Variants in PBX3 observed in about 807,000 individuals in gnomAD.
The protein encoded by PBX3 is PBX homeobox 3.
A neutral mutation model predicts 48.5 loss-of-function variants in PBX3; 14 were observed. The observed-to-expected ratio is 0.29, with a 90% CI of 0.19 to 0.45. The LOEUF (loss-of-function observed/expected upper bound fraction) is 0.45. Ranked by LOEUF, PBX3 falls within the 20% of genes least tolerant of loss-of-function variation. PBX3 has a pLI of 1.00. For synonymous variants in PBX3, 210 were observed against 200.3 expected (o/e 1.05, Z -0.41); for missense variants, 386 against 546.7 (o/e 0.71, Z 2.93).
intron 2 of PBX3, among the ~76,000 whole-genome samples, chr9:125,798,334 C>T (rs1239750003): frequency 6.6e-6 from 1 of 152,062 alleles, no homozygotes; most frequent in East Asian, 1.9e-4. Flanking sequence ...CACAAGTTCT[C>T]AGTCATTATT....
In PBX3 at chr9:125,915,859, T is replaced by G. The variant is rs1841319606; in HGVS notation, c.448T>G (p.Ser150Ala). Reference sequence around the variant, plus strand: ...TTCTTCAGATAACTCTATTGAACACTCAGATTACAGAGCCAAATTGACCCA... The same window carrying G: ...TTCTTCAGATAACTCTATTGAACACGCAGATTACAGAGCCAAATTGACCCA... ...GGSSDNSIEH[S>A]DYRAKLTQIR... Residue 150 changes from serine (S) to alanine (A), a missense_variant, in exon 3 of 9, where the codon TCA becomes GCA. By Grantham distance (99) the Ser-to-Ala change is moderately conservative. Around this residue, in one of 4 missense-constraint regions of PBX3, gnomAD observed 69 missense variants for 99.1 expected, o/e 0.70. Transcript: ENST00000373489. The G allele has an allele frequency of 6.2e-7, 1 of 1,613,968 alleles. No individual in the cohort carries two copies. The highest frequency in any genetic ancestry group is 8.5e-7 in the Non-Finnish European group (1 of 1,179,972).
At chr9:125,866,647 C>T (rs1839988641) in intron 2 of PBX3, among the ~76,000 whole-genome samples, 1 of 152,200 alleles carries the variant, frequency 6.6e-6, no homozygotes, top group Non-Finnish European at 1.5e-5. Flanking sequence ...GGGAGGTTTA[C>T]AGATTCATGG....
intron 2 of PBX3, among the ~76,000 whole-genome samples, chr9:125,763,353 A>C (rs540345427): frequency 6.6e-6 from 1 of 152,356 alleles, no homozygotes; most frequent in South Asian, 2.1e-4. Flanking sequence ...GAACCTGCAG[A>C]AATGAACAAA....
intron 2 of PBX3, among the ~76,000 whole-genome samples, chr9:125,828,331 A>G (rs1838864746): frequency 1.3e-5 from 2 of 152,196 alleles, no homozygotes; most frequent in South Asian, 4.1e-4. Context: ...TAGAAATGCT[A>G]TATTAAAGTA....
chr9:125,916,246 A>G (rs1841331109), intron 3 of PBX3, among the ~76,000 whole-genome samples: 1 of 152,198 alleles, frequency 6.6e-6, no homozygotes, highest in South Asian at 2.1e-4. Flanking sequence ...AAAGCTCTGT[A>G]TAATTAACAT....
chr9:125,793,366 A>AAAAATATATATAT (rs59271982), intron 2 of PBX3, among the ~76,000 whole-genome samples: 3 of 101,976 alleles, frequency 2.9e-5, no homozygotes, highest in East Asian at 3.1e-4. Context: ...GGAAAAAAAA[A>AAAAATATATATAT]ATATATATAT....
At chr9:125,776,778 A>G (rs1247107706) in intron 2 of PBX3, among the ~76,000 whole-genome samples, 1 of 151,956 alleles carries the variant, frequency 6.6e-6, no homozygotes, top group African/African-American at 2.4e-5. Context: ...TCCTGCACTC[A>G]AGCAGTCTAC....
At chr9:125,813,772 T>C (rs1224047400) in intron 2 of PBX3, among the ~76,000 whole-genome samples, 1 of 151,978 alleles carries the variant, frequency 6.6e-6, no homozygotes, top group African/African-American at 2.4e-5. Context: ...GATAATGACA[T>C]TGAGAAAACA....
chr9:125,925,374 A>G (rs1841551398), intron 3 of PBX3, among the ~76,000 whole-genome samples: 1 of 152,160 alleles, frequency 6.6e-6, no homozygotes, highest in Non-Finnish European at 1.5e-5. Flanking sequence ...TGTCAATGTA[A>G]AATACACACT....
chr9:125,871,665 T>C (rs918932568), intron 2 of PBX3, among the ~76,000 whole-genome samples: 3 of 152,230 alleles, frequency 2.0e-5, no homozygotes, highest in African/African-American at 7.2e-5. Flanking sequence ...AATATCTTAC[T>C]GATAAATCTT....
At chr9:125,964,089 T>C (rs1842483762) in intron 8 of PBX3, among the ~76,000 whole-genome samples, 1 of 152,214 alleles carries the variant, frequency 6.6e-6, no homozygotes, top group African/African-American at 2.4e-5. Flanking sequence ...CATGATAAAA[T>C]ATGAAACTGT....
At chr9:125,864,393 T>A (rs1428733874) in intron 2 of PBX3, among the ~76,000 whole-genome samples, 1 of 152,114 alleles carries the variant, frequency 6.6e-6, no homozygotes, top group Admixed American at 6.5e-5. Flanking sequence ...TTTCCATGAA[T>A]GGGGGTGGGG....
At chr9:125,828,795 C>T (rs941193066) in intron 2 of PBX3, among the ~76,000 whole-genome samples, 4 of 152,144 alleles carry the variant, frequency 2.6e-5, no homozygotes, top group African/African-American at 7.2e-5. Context: ...GTCTAAACGT[C>T]GTTTGACAGA....
chr9:125,935,601 G>A lies in PBX3; in HGVS notation c.837G>A (p.Val279=), dbSNP rs1446941876. ...TGGCCAAGAAATGCAGCATCACAGT[G>A]TCACAGGTGAGAAAGGACCCATGGG... is the stretch of plus-strand genomic sequence containing the variant. ...EELAKKCSIT[V]SQVSNWFGNK... The change falls in exon 5 of 9, where the codon GTG becomes GTA. Residue 279 remains valine, a synonymous_variant. Coordinates refer to ENST00000373489, the MANE Select transcript of PBX3 (RefSeq NM_006195.6). 9.3e-6 allele frequency: 15 copies of A among 1,613,694 alleles called. No homozygotes were observed. Among genetic ancestry groups the A allele is most frequent in the Non-Finnish European group, 1.3e-5 (15 of 1,179,798 alleles).
At chr9:125,803,091 CTTTTTTTTTT>C (rs59714151) in intron 2 of PBX3, among the ~76,000 whole-genome samples, 4 of 108,920 alleles carry the variant, frequency 3.7e-5, no homozygotes, top group Non-Finnish European at 5.6e-5. Flanking sequence ...CCACTAATGT[CTTTTTTTTTT>C]TTTTTTTTTT....
chr9:125,766,570 C>G (rs1836805369), intron 2 of PBX3, among the ~76,000 whole-genome samples: 2 of 152,014 alleles, frequency 1.3e-5, no homozygotes, highest in Non-Finnish European at 2.9e-5. Flanking sequence ...ACTTGTTTCT[C>G]TATAGAGTTG....
intron 2 of PBX3, among the ~76,000 whole-genome samples, chr9:125,776,697 T>C (rs1309161931): frequency 6.6e-6 from 1 of 152,080 alleles, no homozygotes; most frequent in Non-Finnish European, 1.5e-5. Context: ...CATGCCACCA[T>C]GCCTGGCTAA....
intron 2 of PBX3, among the ~76,000 whole-genome samples, chr9:125,772,177 T>C (rs1836957302): frequency 6.6e-6 from 1 of 152,242 alleles, no homozygotes; most frequent in Non-Finnish European, 1.5e-5. Flanking sequence ...TCAAGCACAC[T>C]AAAATGCTTA....
chr9:125,935,443 G>C (rs548511601), intron 4 of PBX3, 29 bp from the exon 5 acceptor site: 6 of 1,609,312 alleles, frequency 3.7e-6, no homozygotes, highest in Non-Finnish European at 5.1e-6. Context: ...GATTGTAACT[G>C]CAATTATTTT....
Sources: gnomAD v4.1 joint callset for allele counts (sites outside exome capture counted in the v4.1 genomes callset) on GRCh38, gnomAD v4.1.1 for gene constraint, gnomAD v4.1.1 regional missense constraint, MANE v1.5 for transcripts, NCBI Gene and HGNC (gene_info 2026-07-23, HGNC 2026-07-21) for gene names.